The following C10orf90 variants were observed in gnomAD, a reference collection of about 807,000 sequenced individuals.
C10orf90 encodes the protein (E2-independent) E3 ubiquitin-conjugating enzyme FATS.
C10orf90 carries 56 observed loss-of-function variants against 62.5 expected under a neutral mutation model. The observed-to-expected ratio is 0.90, with a 90% CI of 0.72 to 1.12. The LOEUF (loss-of-function observed/expected upper bound fraction) is 1.12. Ranked by LOEUF, C10orf90 falls within the 50% of genes most tolerant of loss-of-function variation. The pLI is 0.00. For missense variants in C10orf90, 970 were observed against 880.4 expected (o/e 1.10, Z -1.29); for synonymous variants, 386 against 340.4 (o/e 1.13, Z -1.47).
intron 2 of C10orf90, among the ~76,000 whole-genome samples, chr10:126,558,962 T>G (rs567044331): frequency 6.6e-6 from 1 of 152,342 alleles, no homozygotes; most frequent in African/African-American, 2.4e-5. Context: ...GGCAATATGA[T>G]CTCATTACTG....
chr10:126,519,499 G>C (rs12252350), intron 2 of C10orf90, among the ~76,000 whole-genome samples: 12,128 of 152,170 alleles, frequency 0.08, 1,576 homozygotes, highest in African/African-American at 0.27. Flanking sequence ...TACATCATTA[G>C]TGTCAGAGGC....
chr10:126,619,851 A>G (rs2842160), intron 2 of C10orf90, among the ~76,000 whole-genome samples: 147,297 of 152,224 alleles, frequency 0.97, 71,476 homozygotes, highest in Middle Eastern at 1. Flanking sequence ...ATGTTGCCCA[A>G]GCTGGACTCG....
chr10:126,589,654 G>A (rs1204583127), intron 2 of C10orf90, among the ~76,000 whole-genome samples: 2 of 152,284 alleles, frequency 1.3e-5, no homozygotes, highest in Non-Finnish European at 1.5e-5. Context: ...ACAAGCAAAT[G>A]CTGAGGAAAT....
At chr10:126,549,201 C>T (rs1212095741) in intron 2 of C10orf90, among the ~76,000 whole-genome samples, 1 of 152,082 alleles carries the variant, frequency 6.6e-6, no homozygotes, top group Non-Finnish European at 1.5e-5. Flanking sequence ...TATGAAAGAC[C>T]TTGTTCAGAA....
intron 2 of C10orf90, among the ~76,000 whole-genome samples, chr10:126,574,460 T>A (rs1844570617): frequency 6.6e-6 from 1 of 151,916 alleles, no homozygotes. Flanking sequence ...TGAAAATAAT[T>A]TCATAAGATG....
At chr10:126,454,288 G>C (rs1369397927) in intron 7 of C10orf90, among the ~76,000 whole-genome samples, 1 of 151,602 alleles carries the variant, frequency 6.6e-6, no homozygotes, top group Non-Finnish European at 1.5e-5. Flanking sequence ...TGCAAAGACA[G>C]TACCCCTATG....
At chr10:126,614,944 G>A (rs1403452647) in intron 2 of C10orf90, among the ~76,000 whole-genome samples, 1 of 152,192 alleles carries the variant, frequency 6.6e-6, no homozygotes, top group Non-Finnish European at 1.5e-5. Context: ...AATGACATAT[G>A]TTTATTATTT....
chr10:126,515,200 C>T (rs553838185), intron 2 of C10orf90, among the ~76,000 whole-genome samples: 12 of 152,278 alleles, frequency 7.9e-5, no homozygotes, highest in African/African-American at 2.4e-4. Flanking sequence ...CACCTACTGA[C>T]GCTGTAGCCA....
chr10:126,640,002 A>ACAG (rs1460475946), intron 2 of C10orf90, among the ~76,000 whole-genome samples: 1 of 152,238 alleles, frequency 6.6e-6, no homozygotes, highest in Non-Finnish European at 1.5e-5. Context: ...GGTGTCACAC[A>ACAG]GTGGCAAGGG....
intron 7 of C10orf90, among the ~76,000 whole-genome samples, chr10:126,455,553 G>T (rs1859496409): frequency 6.6e-6 from 1 of 152,206 alleles, no homozygotes; most frequent in Admixed American, 6.5e-5. Flanking sequence ...CTGAAGAGAT[G>T]GACAAAGAAG....
intron 4 of C10orf90, among the ~76,000 whole-genome samples, chr10:126,486,137 G>A (rs10901616): frequency 0.12 from 18,439 of 152,142 alleles, 1,179 homozygotes; most frequent in Non-Finnish European, 0.15. Context: ...GAGGACAGGG[G>A]ACTAAACATG....
chr10:126,604,063 A>C (rs1019867470), intron 2 of C10orf90, among the ~76,000 whole-genome samples: 2 of 152,206 alleles, frequency 1.3e-5, no homozygotes, highest in African/African-American at 2.4e-5. Context: ...CACTGAACCC[A>C]AAGTGTGGCT....
chr10:126,611,534 T>C (rs1845434861), intron 2 of C10orf90, among the ~76,000 whole-genome samples: 1 of 152,240 alleles, frequency 6.6e-6, no homozygotes, highest in Non-Finnish European at 1.5e-5. Flanking sequence ...ATATGGTAAT[T>C]CTACATTTAA....
chr10:126,657,459 T>A lies in C10orf90; in HGVS notation c.241-10822A>T, dbSNP rs1401597465. On this transcript the variant is annotated intron_variant, in intron 1 of 9. Coordinates refer to ENST00000488181, the MANE Select transcript of C10orf90 (RefSeq NM_001350921.2). ...TTCATTTGGCATCATATCCTCACAGTTCATCCAAAGGTGGGCTGCATTTTC... is the reference window on the plus strand; with the variant it reads ...TTCATTTGGCATCATATCCTCACAGATCATCCAAAGGTGGGCTGCATTTTC... Among the ~76,000 whole-genome samples, 3 of 152,198 alleles carry A rather than the reference T, an allele frequency of 2.0e-5. No homozygotes were observed. The East Asian group carries it at 5.8e-4, about 29-fold the overall frequency.
chr10:126,512,338 A>ATGTG (rs1303066476), intron 3 of C10orf90, among the ~76,000 whole-genome samples: 8 of 100,248 alleles, frequency 8.0e-5, no homozygotes, highest in African/African-American at 2.7e-4. Flanking sequence ...ATGTGTGTGT[A>ATGTG]TGTGTGTGTG....
intron 3 of C10orf90, among the ~76,000 whole-genome samples, chr10:126,512,323 GT>G (rs1863159677): frequency 6.7e-6 from 1 of 149,452 alleles, no homozygotes; most frequent in Non-Finnish European, 1.5e-5. Flanking sequence ...GTGTGTGTGT[GT>G]TCTATGTGTG....
At chr10:126,630,709 C>T (rs1423236184) in intron 2 of C10orf90, among the ~76,000 whole-genome samples, 1 of 152,268 alleles carries the variant, frequency 6.6e-6, no homozygotes, top group East Asian at 1.9e-4. Context: ...GTTATTTAAC[C>T]TCTCCAGGTG....
At chr10:126,548,262 G>A (rs1318949954) in intron 2 of C10orf90, among the ~76,000 whole-genome samples, 1 of 152,180 alleles carries the variant, frequency 6.6e-6, no homozygotes, top group Non-Finnish European at 1.5e-5. Flanking sequence ...AGCAAGTGGG[G>A]CCGGGCACAG....
intron 2 of C10orf90, among the ~76,000 whole-genome samples, chr10:126,579,106 T>C (rs1844689633): frequency 6.6e-6 from 1 of 151,768 alleles, no homozygotes; most frequent in South Asian, 2.1e-4. Context: ...CTCTTATGGG[T>C]AGACATTTAG....
Sources: allele counts gnomAD v4.1 joint callset (sites outside exome capture counted in the v4.1 genomes callset), GRCh38; gene constraint gnomAD v4.1.1; transcripts MANE v1.5; gene names NCBI Gene and HGNC (gene_info 2026-07-23, HGNC 2026-07-21).